The following GC variants were observed in gnomAD, a reference collection of about 807,000 sequenced individuals.
GC encodes vitamin D-binding protein.
GC carries 43 observed loss-of-function variants against 56.7 expected under a neutral mutation model. The observed-to-expected ratio is 0.76, with a 90% CI of 0.59 to 0.98. The LOEUF is 0.98. Ranked by LOEUF, GC falls within the 50% of genes least tolerant of loss-of-function variation. The pLI is 0.00. For missense variants in GC, 529 were observed against 545.9 expected (o/e 0.97, Z 0.31); for synonymous variants, 216 against 202.7 (o/e 1.07, Z -0.56).
chr4:71,751,806 G>A (rs1158799237), intron 11 of GC, among the ~76,000 whole-genome samples: 2 of 151,984 alleles, frequency 1.3e-5, no homozygotes, highest in East Asian at 3.9e-4. Context: ...AGAGTTTGGA[G>A]ACAATTGATA....
Position 71,741,795 on chromosome 4 carries a change from G to T in GC, c.*101C>A, listed in dbSNP as rs1188746904. 5.7e-6 allele frequency: 4 copies of T among 702,348 alleles called. No individual in the cohort carries two copies. The highest frequency in any genetic ancestry group is 2.0e-5 in the Admixed American group (1 of 49,888). The allele number at this position is 702,348 out of a possible 1,614,324, so 43.5% of individuals were successfully genotyped here. On this transcript the variant is annotated 3_prime_UTR_variant, in exon 13 of 13. Transcript: ENST00000273951. Reference sequence around the variant, plus strand: ...AGAAAAAGTAGAAAGTATCCTAGTTGTCTTCCCAGAAGCTCAGTGGTTTTG... The same window carrying T: ...AGAAAAAGTAGAAAGTATCCTAGTTTTCTTCCCAGAAGCTCAGTGGTTTTG...
intron 1 of GC, among the ~76,000 whole-genome samples, chr4:71,799,800 G>T (rs1743206263): frequency 6.6e-6 from 1 of 152,180 alleles, no homozygotes; most frequent in Non-Finnish European, 1.5e-5. Context: ...AAGGCAACTA[G>T]GGAGGGAGGT....
intron 3 of GC, among the ~76,000 whole-genome samples, chr4:71,765,993 A>G (rs1392684488): frequency 1.3e-5 from 2 of 152,192 alleles, no homozygotes; most frequent in African/African-American, 4.8e-5. Context: ...GTCATTTGAA[A>G]AAGCTCCACA....
At position 71,803,930 on chromosome 4, in the gene GC, C is replaced by A. The variant is rs1163191780; in HGVS notation, c.17G>T (p.Ser6Ile). The change falls in exon 1 of 14, where the codon AGT becomes ATT. Residue 6 changes from serine (S) to isoleucine (I), a missense_variant. Coordinates refer to the GC transcript ENST00000504199. ...TTTGGAATTAGAACGCAGTACCTCA[C>A]TCCAAGACCACAGCATTTCCTACCA... 2.0e-6 allele frequency: 3 copies of A among 1,504,640 alleles called. No individual in the cohort carries two copies. In the Admixed American group the frequency reaches 5.9e-5, roughly 30 times the overall value. 93.2% of individuals were successfully genotyped at this position (1,504,640 alleles called of 1,614,324 possible).
intron 6 of GC, 62 bp downstream of exon 6, chr4:71,763,343 CTAA>C (rs1742046497): frequency 1.3e-6 from 1 of 766,998 alleles, no homozygotes; most frequent in Non-Finnish European, 2.1e-6. Flanking sequence ...TAAAAAAACC[CTAA>C]TATTATGGAT....
upstream of GC, among the ~76,000 whole-genome samples, chr4:71,788,406 G>C (rs1047788967): frequency 1.3e-5 from 2 of 151,446 alleles, no homozygotes; most frequent in African/African-American, 4.8e-5. Flanking sequence ...TAACCAAATG[G>C]TTTCATTTAT....
In GC at chr4:71,756,048, C is replaced by A. The variant is rs78247536; in HGVS notation, c.1034+664G>T. ...TTGGATGAAACAGGATAAAAGTTTA[C>A]CATTTCTTTGCATTAAATCTCTTTT... On this transcript the variant is annotated intron_variant, in intron 8 of 12. Transcript: ENST00000273951. Among the ~76,000 whole-genome samples, 3 of 151,994 alleles carry A rather than the reference C, an allele frequency of 2.0e-5. No homozygotes were observed. The East Asian group carries it at 5.8e-4, about 29-fold the overall frequency.
intron 11 of GC, among the ~76,000 whole-genome samples, chr4:71,751,673 AG>A (rs1269397491): frequency 6.6e-6 from 1 of 152,032 alleles, no homozygotes; most frequent in Non-Finnish European, 1.5e-5. Context: ...AGGAAGAAAA[AG>A]GGGAGACAGG....
chr4:71,765,950 C>T (rs1472990958), intron 3 of GC, among the ~76,000 whole-genome samples: 2 of 152,208 alleles, frequency 1.3e-5, no homozygotes, highest in East Asian at 1.9e-4. Context: ...AGTGTTCCTC[C>T]GTGGGGATAT....
intron 1 of GC, among the ~76,000 whole-genome samples, chr4:71,774,671 G>T (rs1742449957): frequency 6.6e-6 from 1 of 151,880 alleles, no homozygotes; most frequent in African/African-American, 2.4e-5. Flanking sequence ...CAACAATTTG[G>T]TGGTACTGTT....
rs574317394 is a variant in GC at position 71,803,890 on chromosome 4, G to A, written c.21+36C>T. The A allele has an allele frequency of 8.3e-5, 107 of 1,288,432 alleles. 2 individuals are homozygous for A. The Middle Eastern group carries it at 1.8e-3, about 22-fold the overall frequency. The allele number at this position is 1,288,432 out of a possible 1,614,324, so 79.8% of individuals were successfully genotyped here. On this transcript the variant is annotated intron_variant, in intron 1 of 13. Coordinates refer to the GC transcript ENST00000504199. ...AAACTAAAGCTCAGAGAGTACCAATGGTAACTTGAAATTATTTGGAATTAG... is the reference window on the plus strand; with the variant it reads ...AAACTAAAGCTCAGAGAGTACCAATAGTAACTTGAAATTATTTGGAATTAG...
At chr4:71,748,016 G>A (rs577650252) in intron 11 of GC, among the ~76,000 whole-genome samples, 6 of 152,254 alleles carry the variant, frequency 3.9e-5, no homozygotes, top group South Asian at 2.1e-4. Flanking sequence ...TAGGGCTGAC[G>A]TCTATGACAA....
At chr4:71,750,324 C>T (rs1741504546) in intron 11 of GC, among the ~76,000 whole-genome samples, 1 of 152,124 alleles carries the variant, frequency 6.6e-6, no homozygotes. Context: ...AGGCCATTTC[C>T]ATTTCTACTC....
chr4:71,762,551 G>T (rs1042897998), intron 6 of GC, among the ~76,000 whole-genome samples: 28 of 152,154 alleles, frequency 1.8e-4, no homozygotes, highest in Admixed American at 1.6e-3. Flanking sequence ...AAGTGCCAGG[G>T]GTGGGATGAT....
chr4:71,747,436 CAAG>C (rs1446047044), intron 11 of GC, among the ~76,000 whole-genome samples: 1 of 151,918 alleles, frequency 6.6e-6, no homozygotes, highest in Admixed American at 6.6e-5. Context: ...TGAAATAGAA[CAAG>C]AAGAGAGGAA....
intron 3 of GC, among the ~76,000 whole-genome samples, chr4:71,766,052 A>G (rs1742146675): frequency 6.6e-6 from 1 of 152,196 alleles, no homozygotes; most frequent in African/African-American, 2.4e-5. Context: ...AAATGCCCCA[A>G]TAAGAGTGAG....
upstream of GC, among the ~76,000 whole-genome samples, chr4:71,785,373 TG>T (rs1241295941): frequency 7.2e-5 from 11 of 151,898 alleles, no homozygotes; most frequent in East Asian, 2.1e-3. Context: ...GACAGCCCTG[TG>T]TCCAGGGTCC....
chr4:71,772,837 C>G (rs922243132), intron 1 of GC, among the ~76,000 whole-genome samples: 1 of 151,940 alleles, frequency 6.6e-6, no homozygotes, highest in Non-Finnish European at 1.5e-5. Context: ...GGTGAGCTAC[C>G]CAAAATGTAC....
chr4:71,770,010 G>T (rs920691314), intron 1 of GC, among the ~76,000 whole-genome samples: 1 of 152,172 alleles, frequency 6.6e-6, no homozygotes, highest in African/African-American at 2.4e-5. Context: ...ATCAGGCAAA[G>T]AATATTTTAG....
Sources: allele counts gnomAD v4.1 joint callset (sites outside exome capture counted in the v4.1 genomes callset), GRCh38; gene constraint gnomAD v4.1.1; transcripts MANE v1.5; gene names NCBI Gene and HGNC (gene_info 2026-07-23, HGNC 2026-07-21).